The following CPA5 variants were observed in gnomAD, a reference collection of about 807,000 sequenced individuals.
The protein encoded by CPA5 is carboxypeptidase A5.
In CPA5, 38 loss-of-function variants were observed where a neutral mutation model predicts 52.2. The ratio of observed to expected loss-of-function variants is 0.73; its 90% CI spans 0.56 to 0.95. CPA5 has a LOEUF of 0.95. Ranked by LOEUF, CPA5 falls within the 40% of genes least tolerant of loss-of-function variation. CPA5 has a pLI of 0.00. For missense variants in CPA5, 519 were observed against 566.7 expected (o/e 0.92, Z 0.86); for synonymous variants, 198 against 213.7 (o/e 0.93, Z 0.64).
At chr7:130,361,272 A>T (rs1554406611) in intron 7 of CPA5, 28 bp downstream of exon 7, 2 of 1,492,098 alleles carry the variant, frequency 1.3e-6, no homozygotes, top group Admixed American at 1.7e-5. Flanking sequence ...CAACCTGTAG[A>T]CTCTACCTTG....
At chr7:130,345,304 G>A (rs1198508756) in intron 1 of CPA5, 99 bp downstream of exon 1, 2 of 152,166 alleles carry the variant, frequency 1.3e-5, no homozygotes, top group Non-Finnish European at 2.9e-5. Context: ...GATGGGGAGG[G>A]GGAGCTTCTG....
At chr7:130,351,126 C>A (rs1417255950) in intron 5 of CPA5, among the ~76,000 whole-genome samples, 2 of 152,218 alleles carry the variant, frequency 1.3e-5, no homozygotes, top group African/African-American at 4.8e-5. Flanking sequence ...AACTTTGGTC[C>A]TTTCAAAGAC....
intron 5 of CPA5, among the ~76,000 whole-genome samples, chr7:130,353,780 C>T (rs1303292542): frequency 2.6e-5 from 4 of 152,156 alleles, no homozygotes; most frequent in Non-Finnish European, 4.4e-5. Context: ...CACCTTGATT[C>T]CTTATTACCT....
intron 10 of CPA5, 81 bp downstream of exon 10, chr7:130,363,590 G>A (rs1795914770): frequency 8.4e-7 from 1 of 1,193,544 alleles, no homozygotes; most frequent in Admixed American, 2.0e-5. Flanking sequence ...GTCAGATTAT[G>A]TTGACTCAAC....
At chr7:130,348,449 G>T (rs1280584083) in intron 4 of CPA5, among the ~76,000 whole-genome samples, 1 of 152,088 alleles carries the variant, frequency 6.6e-6, no homozygotes, top group East Asian at 1.9e-4. Flanking sequence ...CCGTCGACTG[G>T]GACTCATGAT....
In CPA5 at chr7:130,362,864, C is replaced by T; in HGVS notation, c.637-20C>T. On this transcript the variant is annotated intron_variant, in intron 8 of 12. Coordinates refer to ENST00000474905, the MANE Select transcript of CPA5 (RefSeq NM_080385.5). ...GGAGACCCAGTAGGGCCTCCCATCC[C>T]TCCTCACTCTTTCTTGCAGATTGTC... 1.3e-6 allele frequency: 2 copies of T among 1,548,340 alleles called. No individual in the cohort carries two copies. The highest frequency in any genetic ancestry group is 1.1e-5 in the South Asian group (1 of 89,432).
At chr7:130,372,073 C>T (rs147871215), downstream of CPA5, among the ~76,000 whole-genome samples, 517 of 152,328 alleles carry the variant, frequency 3.4e-3, 1 homozygote, top group Non-Finnish European at 5.7e-3. Flanking sequence ...AATATCCTTC[C>T]TCACAAGTCC....
intron 3 of CPA5, 111 bp from the exon 4 acceptor site, chr7:130,347,655 C>A (rs374910224): frequency 2.3e-6 from 2 of 861,526 alleles, no homozygotes; most frequent in Non-Finnish European, 3.8e-6. Flanking sequence ...CTCCTGGCCT[C>A]CCCGCCTGGC....
At chr7:130,347,013 A>G in intron 3 of CPA5, among the ~76,000 whole-genome samples, 1 of 152,180 alleles carries the variant, frequency 6.6e-6, no homozygotes, top group East Asian at 1.9e-4. Context: ...AATGACAGGA[A>G]GTTCTAGTAT....
chr7:130,364,726 C>T (rs1795980533), intron 10 of CPA5, among the ~76,000 whole-genome samples: 1 of 152,238 alleles, frequency 6.6e-6, no homozygotes. Context: ...ACCTGCAGAG[C>T]TGGCTGATCC....
chr7:130,370,344 T>TA (rs1421895600), downstream of CPA5, among the ~76,000 whole-genome samples: 4 of 151,926 alleles, frequency 2.6e-5, no homozygotes, highest in Non-Finnish European at 5.9e-5. Flanking sequence ...TTTTTTTTTT[T>TA]AAAGCTGGAA....
Position 130,367,525 on chromosome 7 carries a change from A to T in CPA5, c.992A>T (p.Tyr331Phe). ...CACAGCTACTCTCAGATGCTTATGTACCCTTACGGCCGATTGCTGGAGCCC... is the reference window on the plus strand; with the variant it reads ...CACAGCTACTCTCAGATGCTTATGTTCCCTTACGGCCGATTGCTGGAGCCC... ...SIHSYSQMLM[Y>F]PYGRLLEPVS... Residue 331 changes from tyrosine to phenylalanine, a missense_variant, in exon 11 of 13, where the codon TAC becomes TTC. Transcript: ENST00000474905. 6.2e-7 allele frequency: 1 copy of T among 1,614,014 alleles called. No homozygotes were observed.
At chr7:130,368,339 A>G (rs60493599) in intron 12 of CPA5, 71 bp from the exon 13 acceptor site, 280,352 of 1,470,536 alleles carry the variant, frequency 0.19, 28,461 homozygotes, top group African/African-American at 0.21. Flanking sequence ...TCCACCCAGG[A>G]TGCCTCTGTA....
At chr7:130,369,101 G>A (rs782006521), downstream of CPA5, among the ~76,000 whole-genome samples, 3 of 152,180 alleles carry the variant, frequency 2.0e-5, no homozygotes, top group Non-Finnish European at 4.4e-5. Flanking sequence ...GGGAGCAGGA[G>A]CACATTTTGG....
chr7:130,364,238 G>T (rs1795952418), intron 10 of CPA5, among the ~76,000 whole-genome samples: 1 of 152,148 alleles, frequency 6.6e-6, no homozygotes, highest in Non-Finnish European at 1.5e-5. Flanking sequence ...CATTGCCCAG[G>T]CTGGAGTGCA....
intron 10 of CPA5, among the ~76,000 whole-genome samples, chr7:130,363,987 G>A (rs1795939697): frequency 6.6e-6 from 1 of 152,028 alleles, no homozygotes; most frequent in South Asian, 2.1e-4. Context: ...GGAGGCCAGG[G>A]CAATAGTTTC....
rs927679308 is a variant in CPA5 at position 130,363,132 on chromosome 7, C to T, written c.747+138C>T. The stretch of plus-strand genomic sequence containing the variant: ...CAAGGGCAGGAGGGCTGCTCAGGTA[C>T]TGCACCTGCAGCCTCTTGCCCTCTG... On this transcript the variant is annotated intron_variant, in intron 9 of 12. Coordinates refer to ENST00000474905, the MANE Select transcript of CPA5 (RefSeq NM_080385.5). 6.4e-6 allele frequency: 4 copies of T among 623,524 alleles called. No homozygotes were observed. In the African/African-American group the frequency reaches 7.4e-5, roughly 11 times the overall value. 38.6% of individuals were successfully genotyped at this position (623,524 alleles called of 1,614,324 possible). A position where few individuals can be genotyped will look rare whatever the true frequency, so the allele number is the denominator to read the frequency against.
intron 5 of CPA5, among the ~76,000 whole-genome samples, chr7:130,352,379 C>T (rs1333120339): frequency 2.0e-5 from 3 of 151,946 alleles, no homozygotes; most frequent in African/African-American, 4.8e-5. Context: ...GGGGGTAAAT[C>T]GGTGGTTACA....
intron 12 of CPA5, 37 bp from the exon 13 acceptor site, chr7:130,368,373 C>T: frequency 6.2e-7 from 1 of 1,604,086 alleles, no homozygotes; most frequent in Non-Finnish European, 8.5e-7. Flanking sequence ...TCCCCTTCTT[C>T]CTTTTGTGGG....
Sources: gnomAD v4.1 joint callset for allele counts (sites outside exome capture counted in the v4.1 genomes callset) on GRCh38, gnomAD v4.1.1 for gene constraint, MANE v1.5 for transcripts, NCBI Gene and HGNC (gene_info 2026-07-23, HGNC 2026-07-21) for gene names.